TTC7B: variants seen among roughly 807,000 people sequenced by gnomAD.
The protein encoded by TTC7B is tetratricopeptide repeat domain 7B, also known as tetratricopeptide repeat protein 7B.
Under a neutral mutation model 106.8 loss-of-function variants are expected in TTC7B, and 28 were observed. The observed-to-expected ratio is 0.26, with a 90% CI of 0.19 to 0.36. The LOEUF is 0.36. TTC7B is among the 10% of genes least tolerant of loss of function. TTC7B has a pLI of 1.00. For missense variants in TTC7B, 862 were observed against 1,076.4 expected (o/e 0.80, Z 2.79); for synonymous variants, 405 against 430.6 (o/e 0.94, Z 0.74).
chr14:90,589,540 C>A (rs1212804755), intron 18 of TTC7B, among the ~76,000 whole-genome samples: 2 of 152,170 alleles, frequency 1.3e-5, no homozygotes, highest in Non-Finnish European at 2.9e-5. Context: ...TTGTTCAGTA[C>A]AGACAGATTT....
intron 1 of TTC7B, among the ~76,000 whole-genome samples, chr14:90,792,372 T>G (rs927210064): frequency 1.3e-5 from 2 of 151,556 alleles, no homozygotes; most frequent in Non-Finnish European, 2.9e-5. Context: ...AGGTCAGGAG[T>G]TCAAGACCAG....
chr14:90,627,752 G>A (rs538905023), intron 15 of TTC7B, among the ~76,000 whole-genome samples: 7 of 152,272 alleles, frequency 4.6e-5, no homozygotes, highest in South Asian at 2.1e-4. Context: ...TCCTTCTAGC[G>A]GTATTTTTAG....
At position 90,717,845 on chromosome 14, in the gene TTC7B, G is replaced by A. The variant is rs115362318; in HGVS notation, c.698+12230C>T. Among the ~76,000 whole-genome samples, 811 of 152,288 alleles carry A rather than the reference G, an allele frequency of 5.3e-3. 10 individuals carry two copies. Among genetic ancestry groups the A allele is most frequent in the African/African-American group, 0.018 (768 of 41,558 alleles). ...GGCCAGAGCCAGAACAGGGGTGCAT[G>A]CTTCCCCCTCCTCTCCTTCCCATCC... On this transcript the variant is annotated intron_variant, in intron 5 of 19. Coordinates refer to ENST00000328459, the MANE Select transcript of TTC7B (RefSeq NM_001010854.2).
chr14:90,542,792 C>T lies in TTC7B; in HGVS notation c.2311-1203G>A, dbSNP rs114417317. ...CCCCCATGAGCTCCTTTTAGTGGCC[C>T]TGGGGGAGGATCAGTGGAACGGCCT... On this transcript the variant is annotated intron_variant, in intron 19 of 19. Coordinates refer to ENST00000328459, the MANE Select transcript of TTC7B (RefSeq NM_001010854.2). Among the ~76,000 whole-genome samples the T allele has an allele frequency of 3.6e-3, 542 of 152,284 alleles. 3 individuals carry two copies. Among genetic ancestry groups the T allele is most frequent in the African/African-American group, 0.012 (517 of 41,556 alleles).
chr14:90,758,168 C>T lies in TTC7B; in HGVS notation c.446-13246G>A, dbSNP rs538971068. ...GGCAAGTTTGCCTTTCTTCTCCATC[C>T]CTGAACTCGAGTTGAATCGCGGAAT... On this transcript the variant is annotated intron_variant, in intron 3 of 19. Transcript: ENST00000328459. 1.3e-4 allele frequency among the ~76,000 whole-genome samples: 19 copies of T among 151,524 alleles called. No individual in the cohort carries two copies. The East Asian group carries it at 3.5e-3, about 28-fold the overall frequency.
chr14:90,719,594 C>T (rs1860305469), intron 5 of TTC7B, among the ~76,000 whole-genome samples: 1 of 152,174 alleles, frequency 6.6e-6, no homozygotes, highest in Admixed American at 6.5e-5. Context: ...TTCCCTAGCA[C>T]CTGAGCTGTC....
intron 18 of TTC7B, among the ~76,000 whole-genome samples, chr14:90,581,042 T>C (rs1420433940): frequency 1.3e-5 from 2 of 152,080 alleles, no homozygotes; most frequent in African/African-American, 4.8e-5. Context: ...CCCCAGGCCT[T>C]CTCTCCCCAA....
At chr14:90,602,508 C>T (rs1892466847) in intron 17 of TTC7B, among the ~76,000 whole-genome samples, 1 of 152,100 alleles carries the variant, frequency 6.6e-6, no homozygotes. Context: ...GGAAACCAGC[C>T]TGGGCAACAC....
At chr14:90,741,312 G>A (rs981231940) in intron 4 of TTC7B, among the ~76,000 whole-genome samples, 6 of 152,166 alleles carry the variant, frequency 3.9e-5, no homozygotes, top group African/African-American at 1.4e-4. Context: ...ATTATGAAAA[G>A]TCACTGGTCA....
chr14:90,787,013 G>A (rs1210101501), intron 1 of TTC7B, among the ~76,000 whole-genome samples: 3 of 152,220 alleles, frequency 2.0e-5, no homozygotes, highest in Non-Finnish European at 2.9e-5. Flanking sequence ...CAAGAGTGGC[G>A]CGATGAAATC....
rs866026037 is a variant in TTC7B at position 90,805,838 on chromosome 14, G to T, written c.121+10337C>A. ...GAGTCACTCCTGTGAGCCCTGCGGC[G>T]GGCACAGCTCAATGCCCAGGGGCAC... On this transcript the variant is annotated intron_variant, in intron 1 of 19. Coordinates refer to ENST00000328459, the MANE Select transcript of TTC7B (RefSeq NM_001010854.2). This position sits in a 1 kb window ranked among gnomAD's most constrained non-coding sequence, Gnocchi z 4.0. Among the ~76,000 whole-genome samples, 1 of 147,558 alleles carries T rather than the reference G, an allele frequency of 6.8e-6. No homozygotes were observed. The highest frequency in any genetic ancestry group is 1.5e-5 in the Non-Finnish European group (1 of 66,640).
chr14:90,630,119 T>A (rs1443650580), intron 15 of TTC7B, among the ~76,000 whole-genome samples: 1 of 152,196 alleles, frequency 6.6e-6, no homozygotes, highest in Non-Finnish European at 1.5e-5. Flanking sequence ...TCAAATACAT[T>A]TTCCTGCCAT....
chr14:90,754,289 T>C (rs971724954), intron 3 of TTC7B, among the ~76,000 whole-genome samples: 1 of 152,158 alleles, frequency 6.6e-6, no homozygotes, highest in Admixed American at 6.5e-5. Context: ...CCTCACACTC[T>C]CGTCTCTATG....
intron 3 of TTC7B, among the ~76,000 whole-genome samples, chr14:90,760,144 T>C (rs1253996862): frequency 6.6e-6 from 1 of 152,120 alleles, no homozygotes; most frequent in Non-Finnish European, 1.5e-5. Context: ...GAGGTCTGTA[T>C]GCAACAACGG....
At chr14:90,792,812 G>A (rs1292370986) in intron 1 of TTC7B, among the ~76,000 whole-genome samples, 6 of 152,052 alleles carry the variant, frequency 3.9e-5, no homozygotes, top group Admixed American at 3.9e-4. Flanking sequence ...TTTGCAAGAT[G>A]GAAAATGTGG....
At chr14:90,772,993 T>C (rs550912831) in intron 3 of TTC7B, 1 of 152,168 alleles carries the variant, frequency 6.6e-6, no homozygotes, top group African/African-American at 2.4e-5. Context: ...AACAATAAAA[T>C]AAAATTGTGG....
chr14:90,795,851 T>C (rs988951518), intron 1 of TTC7B, among the ~76,000 whole-genome samples: 1 of 152,220 alleles, frequency 6.6e-6, no homozygotes, highest in Admixed American at 6.5e-5. Flanking sequence ...GAGTCATTAA[T>C]AGCCCAGCCA....
At chr14:90,804,887 A>T (rs1313652123) in intron 1 of TTC7B, among the ~76,000 whole-genome samples, 1 of 152,236 alleles carries the variant, frequency 6.6e-6, no homozygotes, top group African/African-American at 2.4e-5. Context: ...GATGAGGACC[A>T]CAGAGGGGCG....
chr14:90,625,402 C>T (rs1487714145), intron 15 of TTC7B, among the ~76,000 whole-genome samples: 2 of 152,176 alleles, frequency 1.3e-5, no homozygotes, highest in Admixed American at 6.5e-5. Flanking sequence ...GGAAACTGAT[C>T]GCAATTCATT....
Sources: allele counts gnomAD v4.1 joint callset (sites outside exome capture counted in the v4.1 genomes callset), GRCh38; gene constraint gnomAD v4.1.1; non-coding constraint Gnocchi (gnomAD v3.1); transcripts MANE v1.5; gene names NCBI Gene and HGNC (gene_info 2026-07-23, HGNC 2026-07-21).